NEO1: variants seen among roughly 807,000 people sequenced by gnomAD.
The protein encoded by NEO1 is neogenin 1.
In NEO1, 63 loss-of-function variants were observed where a neutral mutation model predicts 159.7. That is an observed-to-expected ratio of 0.39 (90% CI 0.32 to 0.49). NEO1 has a LOEUF of 0.49. NEO1 is among the 20% of genes least tolerant of loss of function. The pLI is 0.85. For synonymous variants in NEO1, 633 were observed against 662.0 expected (o/e 0.96, Z 0.67); for missense variants, 1,615 against 1,831.0 (o/e 0.88, Z 2.15).
intron 16 of NEO1, among the ~76,000 whole-genome samples, chr15:73,268,339 T>C (rs978592524): frequency 6.6e-6 from 1 of 152,206 alleles, no homozygotes; most frequent in African/African-American, 2.4e-5. Flanking sequence ...GCCTACTAGC[T>C]AGAAATACAC....
At position 73,266,922 on chromosome 15, in the gene NEO1, C is replaced by T. The variant is rs533481558; in HGVS notation, c.2494+511C>T. ...TGATCAGTTATACATTTATTACAAA[C>T]GAGACCAAATATTCATTGTTTTTCT... On this transcript the variant is annotated intron_variant, in intron 16 of 28. Coordinates refer to ENST00000261908, the MANE Select transcript of NEO1 (RefSeq NM_002499.4). Among the ~76,000 whole-genome samples, 123 of 152,232 alleles carry T rather than the reference C, an allele frequency of 8.1e-4. 2 individuals are homozygous for T. The South Asian group carries it at 0.017, about 22-fold the overall frequency.
At chr15:73,282,558 A>G (rs1244027944) in intron 22 of NEO1, among the ~76,000 whole-genome samples, 2 of 152,230 alleles carry the variant, frequency 1.3e-5, no homozygotes, top group Non-Finnish European at 2.9e-5. Context: ...ATGAATGAAC[A>G]TTTTTAAATG....
intron 25 of NEO1, among the ~76,000 whole-genome samples, chr15:73,291,149 A>C (rs1231654108): frequency 6.6e-6 from 1 of 152,150 alleles, no homozygotes. Context: ...TAAAGATACA[A>C]ATGCCCAAGA....
Position 73,249,741 on chromosome 15 carries a change from G to A in NEO1, c.1894+20G>A. Reference sequence around the variant, plus strand: ...CAGATGGTGAGTCTTTCTTCCTCTGGAACGATATACCACACTTGGTGCCCC... The same window carrying A: ...CAGATGGTGAGTCTTTCTTCCTCTGAAACGATATACCACACTTGGTGCCCC... On this transcript the variant is annotated intron_variant, in intron 11 of 28. Coordinates refer to ENST00000261908, the MANE Select transcript of NEO1 (RefSeq NM_002499.4). The A allele has an allele frequency of 6.2e-7, 1 of 1,601,564 alleles. No homozygotes were observed. The highest frequency in any genetic ancestry group is 1.1e-5 in the South Asian group (1 of 88,158).
intron 13 of NEO1, chr15:73,255,315 C>T (rs920579437): frequency 6.5e-6 from 1 of 152,750 alleles, no homozygotes; most frequent in Non-Finnish European, 1.5e-5. Context: ...TTAGAAAATA[C>T]TATCAGGCAA....
At chr15:73,272,632 C>A (rs1189990697) in intron 19 of NEO1, 70 bp downstream of exon 19, 17 of 1,119,702 alleles carry the variant, frequency 1.5e-5, no homozygotes, top group Non-Finnish European at 2.3e-5. Context: ...CAGGAGAGTA[C>A]CATGTTGCTG....
intron 1 of NEO1, among the ~76,000 whole-genome samples, chr15:73,111,512 G>A (rs754028550): frequency 1.3e-5 from 2 of 151,990 alleles, no homozygotes; most frequent in African/African-American, 2.4e-5. Context: ...CCTTATTTTG[G>A]CGACCATTTA....
chr15:73,156,779 T>G (rs1567335740), intron 5 of NEO1, among the ~76,000 whole-genome samples: 1 of 152,092 alleles, frequency 6.6e-6, no homozygotes, highest in African/African-American at 2.4e-5. Flanking sequence ...CCCCCTAACC[T>G]CCACTTCCCT....
rs1390138135 is a variant in NEO1, at chr15:73,293,471, G to A, written c.3824G>A (p.Arg1275His). The A allele has an allele frequency of 4.3e-6, 7 of 1,613,960 alleles. No homozygotes were observed. Among genetic ancestry groups the A allele is most frequent in the South Asian group, 2.2e-5 (2 of 91,078 alleles). ...TCCAGCAGCCTCGCTTCTCCAGCTC[G>A]CAGTCATCTCTACCACCCGGGCAGC... is the stretch of plus-strand genomic sequence containing the variant. ...FHSSSLASPA[R>H]SHLYHPGSPW... Residue 1275 changes from arginine (R) to histidine (H), a missense_variant, in exon 26 of 29, where the codon CGC becomes CAC. Physicochemically the swap from Arg to His is conservative, Grantham distance 29. This residue lies in a region of NEO1 where 471 missense variants were observed against 498.9 expected (regional missense o/e 0.94). Coordinates refer to ENST00000261908, the MANE Select transcript of NEO1 (RefSeq NM_002499.4).
At chr15:73,229,033 GTTC>G (rs969896220) in intron 7 of NEO1, among the ~76,000 whole-genome samples, 29 of 151,844 alleles carry the variant, frequency 1.9e-4, no homozygotes, top group Non-Finnish European at 1.0e-4. Flanking sequence ...AACTTTTTTT[GTTC>G]TTTTTGATAA....
At chr15:73,170,491 A>G (rs570541028) in intron 5 of NEO1, among the ~76,000 whole-genome samples, 1 of 152,368 alleles carries the variant, frequency 6.6e-6, no homozygotes, top group South Asian at 2.1e-4. Context: ...ACTGAAGTCC[A>G]ATAGAGTCAT....
Position 73,052,722 on chromosome 15 carries a change from T to C in NEO1, c.47T>C (p.Phe16Ser). Residue 16 changes from phenylalanine to serine, a missense_variant, in exon 1 of 29, where the codon TTC (phenylalanine) becomes TCC (serine). By Grantham distance (155) the Phe-to-Ser change is radical. Around this residue, in one of 3 missense-constraint regions of NEO1, gnomAD observed 1,018 missense variants for 1,115.4 expected, o/e 0.91. Transcript: ENST00000261908. ...GARRLLSTPS[F>S]WLYCLLLLGR... ...CGGCGACTCCTCAGCACCCCCTCCTTCTGGCTCTACTGCCTGCTGCTGCTC... is the reference window on the plus strand; with the variant it reads ...CGGCGACTCCTCAGCACCCCCTCCTCCTGGCTCTACTGCCTGCTGCTGCTC... 2 of 1,350,726 alleles carry C rather than the reference T, an allele frequency of 1.5e-6. No individual in the cohort carries two copies. The highest frequency in any genetic ancestry group is 1.9e-6 in the Non-Finnish European group (2 of 1,043,348). The allele number at this position is 1,350,726 out of a possible 1,614,324, so 83.7% of individuals were successfully genotyped here. A position where few individuals can be genotyped will look rare whatever the true frequency, so the allele number is the denominator to read the frequency against.
intron 3 of NEO1, among the ~76,000 whole-genome samples, chr15:73,126,178 C>T (rs746243340): frequency 1.3e-5 from 2 of 152,092 alleles, no homozygotes; most frequent in African/African-American, 2.4e-5. Flanking sequence ...TCATATAAAG[C>T]CACACAGACT....
chr15:73,269,978 C>G, intron 16 of NEO1, 32 bp from the exon 17 acceptor site: 1 of 1,525,312 alleles, frequency 6.6e-7, no homozygotes, highest in African/African-American at 1.4e-5. Flanking sequence ...CATTAAAATG[C>G]CACTTCCCTT....
Position 73,052,662 on chromosome 15 carries a change from C to T in NEO1, c.-14C>T. On this transcript the variant is annotated 5_prime_UTR_variant, in exon 1 of 29. Coordinates refer to ENST00000261908, the MANE Select transcript of NEO1 (RefSeq NM_002499.4). ...GCGCTGTCGCCGCCGCTGCCGCTCACTCTCGGGGAAGAGATGGCGGCGGAG... is the reference window on the plus strand; with the variant it reads ...GCGCTGTCGCCGCCGCTGCCGCTCATTCTCGGGGAAGAGATGGCGGCGGAG... The T allele has an allele frequency of 2.3e-6, 3 of 1,312,672 alleles. No homozygotes were observed. Among genetic ancestry groups the T allele is most frequent in the Non-Finnish European group, 2.9e-6 (3 of 1,023,790 alleles). The allele number at this position is 1,312,672 out of a possible 1,614,324, so 81.3% of individuals were successfully genotyped here.
At chr15:73,274,860 A>G in intron 21 of NEO1, 136 bp downstream of exon 21, 1 of 811,732 alleles carries the variant, frequency 1.2e-6, no homozygotes, top group Middle Eastern at 3.2e-4. Flanking sequence ...TTATTGGCCA[A>G]AGTAGAGTTG....
Position 73,264,611 on chromosome 15 carries a change from A to G in NEO1, c.2399-1705A>G, listed in dbSNP as rs552584343. The stretch of plus-strand genomic sequence containing the variant: ...TATAATTATTGACCTAGATAGATCT[A>G]AGATGCCTATGATGTTGAGTAAAAG... On this transcript the variant is annotated intron_variant, in intron 15 of 28. Coordinates refer to ENST00000261908, the MANE Select transcript of NEO1 (RefSeq NM_002499.4). Among the ~76,000 whole-genome samples, 9 of 152,346 alleles carry G rather than the reference A, an allele frequency of 5.9e-5. No individual in the cohort carries two copies. In the South Asian group the frequency reaches 1.9e-3, roughly 32 times the overall value.
At chr15:73,287,653 G>A (rs1015108186) in intron 23 of NEO1, among the ~76,000 whole-genome samples, 5 of 152,132 alleles carry the variant, frequency 3.3e-5, no homozygotes, top group Admixed American at 6.5e-5. Flanking sequence ...AGGCCAAGGC[G>A]GCAGATCACC....
At chr15:73,293,234 G>A (rs1169197514) in intron 25 of NEO1, among the ~76,000 whole-genome samples, 156 bp from the exon 26 acceptor site, 2 of 152,016 alleles carry the variant, frequency 1.3e-5, no homozygotes, top group Non-Finnish European at 2.9e-5. Context: ...AAAATCAATG[G>A]CTAATTGACC....
Sources: allele counts gnomAD v4.1 joint callset (sites outside exome capture counted in the v4.1 genomes callset), GRCh38; gene constraint gnomAD v4.1.1; regional missense constraint gnomAD v4.1.1; transcripts MANE v1.5; gene names NCBI Gene and HGNC (gene_info 2026-07-23, HGNC 2026-07-21).